Variants in MAGI1 observed in about 807,000 individuals in gnomAD.
MAGI1 encodes membrane-associated guanylate kinase, WW and PDZ domain-containing protein 1.
Under a neutral mutation model 139.9 loss-of-function variants are expected in MAGI1, and 58 were observed. The observed-to-expected ratio is 0.41, with a 90% confidence interval of 0.34 to 0.52. The LOEUF is 0.52. MAGI1 is among the 20% of genes least tolerant of loss of function. The pLI, the probability that MAGI1 is intolerant of heterozygous loss-of-function variation, is 0.12. For synonymous variants in MAGI1, 812 were observed against 737.9 expected (o/e 1.10, Z -1.63); for missense variants, 1,874 against 1,901.6 (o/e 0.99, Z 0.27).
At chr3:65,737,358 T>C (rs751124601) in intron 1 of MAGI1, among the ~76,000 whole-genome samples, 7 of 152,158 alleles carry the variant, frequency 4.6e-5, no homozygotes, top group African/African-American at 9.7e-5. Context: ...GACGGGTGGA[T>C]GGATGGACAG....
chr3:65,436,343 C>T (rs956733134), intron 10 of MAGI1, among the ~76,000 whole-genome samples: 1 of 152,110 alleles, frequency 6.6e-6, no homozygotes, highest in African/African-American at 2.4e-5. Context: ...AAACATGATG[C>T]TTGTTTAAAA....
intron 1 of MAGI1, among the ~76,000 whole-genome samples, chr3:65,669,178 A>C (rs2086704958): frequency 6.6e-6 from 1 of 152,158 alleles, no homozygotes; most frequent in Non-Finnish European, 1.5e-5. Context: ...CCTGTGAGCC[A>C]TTGCACCCAG....
intron 2 of MAGI1, among the ~76,000 whole-genome samples, chr3:65,500,149 T>A (rs915470685): frequency 9.2e-5 from 14 of 152,176 alleles, no homozygotes; most frequent in Admixed American, 2.6e-4. Context: ...GCCTTACCGA[T>A]GAATAGGAAT....
At chr3:65,734,530 A>AGAGAAAGAGC (rs1363925695) in intron 1 of MAGI1, among the ~76,000 whole-genome samples, 1 of 145,888 alleles carries the variant, frequency 6.9e-6, no homozygotes, top group Non-Finnish European at 1.5e-5. Context: ...AGAGAAAGAG[A>AGAGAAAGAGC]GAGGGGGAGA....
chr3:65,398,510 G>C (rs1425434013), intron 13 of MAGI1, among the ~76,000 whole-genome samples: 5 of 152,074 alleles, frequency 3.3e-5, no homozygotes, highest in Non-Finnish European at 7.4e-5. Context: ...AAAAAAAAGA[G>C]GGGACAGATT....
At chr3:65,775,165 G>T (rs973628558) in intron 1 of MAGI1, among the ~76,000 whole-genome samples, 1 of 151,856 alleles carries the variant, frequency 6.6e-6, no homozygotes, top group African/African-American at 2.4e-5. Context: ...GTATTTTCAG[G>T]CTGGGCGTGG....
rs189461502 is a variant in MAGI1 at position 65,579,704 on chromosome 3, G to A, written c.430+42268C>T. 1.6e-4 allele frequency among the ~76,000 whole-genome samples: 24 copies of A among 152,128 alleles called. No homozygotes were observed. In the East Asian group the frequency reaches 3.5e-3, roughly 22 times the overall value. On this transcript the variant is annotated intron_variant, in intron 2 of 22. Transcript: ENST00000402939. ...CTACTAAAAATGCAAAAAAGTAGCC[G>A]GGAGTGGTGACAGGAGCCTGTAATC...
chr3:65,800,120 T>G (rs960720554), intron 1 of MAGI1, among the ~76,000 whole-genome samples: 21 of 152,232 alleles, frequency 1.4e-4, no homozygotes, highest in African/African-American at 5.1e-4. Flanking sequence ...ATGGAGAGCC[T>G]AATAATACCT....
At chr3:65,681,858 T>G (rs1006251573) in intron 1 of MAGI1, among the ~76,000 whole-genome samples, 1 of 152,102 alleles carries the variant, frequency 6.6e-6, no homozygotes, top group Non-Finnish European at 1.5e-5. Context: ...GCTTTTTTTG[T>G]TTTTTTGTTG....
chr3:66,035,540 A>G (rs2068868307), intron 1 of MAGI1, among the ~76,000 whole-genome samples: 1 of 152,208 alleles, frequency 6.6e-6, no homozygotes, highest in South Asian at 2.1e-4. Context: ...GGCCATCATT[A>G]CTGGTAATGA....
At chr3:65,603,460 G>A (rs1161956213) in intron 2 of MAGI1, among the ~76,000 whole-genome samples, 6 of 152,050 alleles carry the variant, frequency 3.9e-5, no homozygotes, top group Non-Finnish European at 7.4e-5. Context: ...ACAATTATTT[G>A]GAATAAAAAA....
chr3:65,381,861 T>C lies in MAGI1; in HGVS notation c.2701+16A>G. ...AGTGACAACGCACTGTCTGAAGGAA[T>C]GAATGAAATACATACCCGCAAAAAC... On this transcript the variant is annotated intron_variant, in intron 16 of 22. Coordinates refer to ENST00000402939, the MANE Select transcript of MAGI1 (RefSeq NM_001033057.2). 1 of 1,595,336 alleles carries C rather than the reference T, an allele frequency of 6.3e-7. No individual in the cohort carries two copies. Among genetic ancestry groups the C allele is most frequent in the Non-Finnish European group, 8.5e-7 (1 of 1,170,546 alleles).
At chr3:65,963,900 T>A (rs1199560058) in intron 1 of MAGI1, among the ~76,000 whole-genome samples, 1 of 152,198 alleles carries the variant, frequency 6.6e-6, no homozygotes, top group Non-Finnish European at 1.5e-5. Flanking sequence ...CACTTTTTCA[T>A]ATATTAGACA....
intron 18 of MAGI1, among the ~76,000 whole-genome samples, chr3:65,368,611 T>C (rs1360507508): frequency 6.6e-6 from 1 of 152,240 alleles, no homozygotes; most frequent in East Asian, 1.9e-4. Context: ...CAACAAAGGA[T>C]ACAATTATTC....
At chr3:65,610,742 G>GTATATACTATATATATA (rs11276480) in intron 2 of MAGI1, among the ~76,000 whole-genome samples, 1 of 121,318 alleles carries the variant, frequency 8.2e-6, no homozygotes, top group African/African-American at 3.1e-5. Context: ...ATAGTATATA[G>GTATATACTATATATATA]TATATATACA....
At chr3:65,695,665 C>T (rs1002687391) in intron 1 of MAGI1, among the ~76,000 whole-genome samples, 13 of 152,154 alleles carry the variant, frequency 8.5e-5, no homozygotes, top group African/African-American at 2.4e-4. Context: ...GACGCCTAGA[C>T]CTCTTTTAAG....
At chr3:65,389,817 C>G (rs1174020980) in intron 14 of MAGI1, among the ~76,000 whole-genome samples, 3 of 152,160 alleles carry the variant, frequency 2.0e-5, no homozygotes, top group African/African-American at 4.8e-5. Flanking sequence ...GTAGCCAAAA[C>G]AGCCTATTTA....
At chr3:65,611,382 C>G (rs372952797) in intron 2 of MAGI1, among the ~76,000 whole-genome samples, 192 of 141,598 alleles carry the variant, frequency 1.4e-3, no homozygotes, top group African/African-American at 4.9e-3. Flanking sequence ...TACATATATA[C>G]AGAACACTGT....
At chr3:65,888,887 G>A (rs929811681) in intron 1 of MAGI1, among the ~76,000 whole-genome samples, 4 of 151,290 alleles carry the variant, frequency 2.6e-5, no homozygotes, top group Admixed American at 6.6e-5. Context: ...TTATCTGTGC[G>A]CTAAAAAAAT....
Sources: gnomAD v4.1 joint callset for allele counts (sites outside exome capture counted in the v4.1 genomes callset) on GRCh38, gnomAD v4.1.1 for gene constraint, MANE v1.5 for transcripts, NCBI Gene and HGNC (gene_info 2026-07-23, HGNC 2026-07-21) for gene names.